MED27: variants seen among roughly 807,000 people sequenced by gnomAD.
MED27 encodes the protein mediator of RNA polymerase II transcription subunit 27.
Under a neutral mutation model 38.2 loss-of-function variants are expected in MED27, and 30 were observed. That is an observed-to-expected ratio of 0.79 (90% confidence interval 0.59 to 1.07). MED27 has a LOEUF of 1.07. MED27 is among the 50% of genes least tolerant of loss of function. The probability of loss-of-function intolerance (pLI) is 0.00; values close to 1 mark genes in which losing one functional copy is unlikely to be tolerated. For synonymous variants in MED27, 122 were observed against 153.5 expected, an observed-to-expected ratio of 0.79 and a Z score of 1.52; for missense variants, 289 against 397.5, an observed-to-expected ratio of 0.73 and a Z score of 2.32.
At chr9:132,024,362 A>T (rs570140552) in intron 2 of MED27, among the ~76,000 whole-genome samples, 18 of 152,296 alleles carry the variant, frequency 1.2e-4, no homozygotes, top group African/African-American at 4.3e-4. Flanking sequence ...TGGCGGTATA[A>T]TGTGTGCAAA....
chr9:131,891,219 A>T (rs1839223563), intron 5 of MED27, among the ~76,000 whole-genome samples: 1 of 152,046 alleles, frequency 6.6e-6, no homozygotes, highest in Admixed American at 6.5e-5. Flanking sequence ...CAAAACGTGC[A>T]AATACGTGAA....
At chr9:132,068,002 T>G (rs1564347800) in intron 2 of MED27, among the ~76,000 whole-genome samples, 2 of 152,336 alleles carry the variant, frequency 1.3e-5, no homozygotes. Flanking sequence ...TAGGTCATTA[T>G]TCTCTCACTT....
intron 6 of MED27, among the ~76,000 whole-genome samples, chr9:131,870,967 G>A (rs888399715): frequency 4.6e-5 from 7 of 152,188 alleles, no homozygotes; most frequent in South Asian, 2.1e-4. Flanking sequence ...AATACAAGGC[G>A]GCTGCATCAG....
At chr9:132,064,563 A>G (rs1200077679) in intron 2 of MED27, among the ~76,000 whole-genome samples, 3 of 152,234 alleles carry the variant, frequency 2.0e-5, no homozygotes, top group South Asian at 2.1e-4. Context: ...CTTCCAATCA[A>G]TGAGAATCCC....
intron 4 of MED27, among the ~76,000 whole-genome samples, chr9:131,915,413 T>A (rs1352676233): frequency 6.6e-6 from 1 of 152,174 alleles, no homozygotes; most frequent in Non-Finnish European, 1.5e-5. Context: ...ATGAGTCACC[T>A]TAAAAGCAGA....
At chr9:132,041,085 A>C (rs544798296) in intron 2 of MED27, among the ~76,000 whole-genome samples, 16 of 152,364 alleles carry the variant, frequency 1.1e-4, no homozygotes, top group Admixed American at 8.5e-4. Context: ...AGGGAAGAAC[A>C]AGAAAGAGGA....
chr9:131,988,725 C>T (rs1019321820), intron 3 of MED27, among the ~76,000 whole-genome samples: 2 of 152,148 alleles, frequency 1.3e-5, no homozygotes, highest in Non-Finnish European at 2.9e-5. Flanking sequence ...CAACCTTCCC[C>T]CTTTGGCCTC....
chr9:131,925,841 G>A (rs1485590190), intron 4 of MED27, among the ~76,000 whole-genome samples: 1 of 152,238 alleles, frequency 6.6e-6, no homozygotes, highest in Non-Finnish European at 1.5e-5. Context: ...TCCTGGTCCA[G>A]TTCTATGTTC....
intron 4 of MED27, among the ~76,000 whole-genome samples, chr9:131,906,761 A>G (rs1486887672): frequency 7.2e-5 from 11 of 152,222 alleles, no homozygotes; most frequent in Admixed American, 7.2e-4. Flanking sequence ...AGTGACAGCA[A>G]ATTTATTAGG....
intron 3 of MED27, among the ~76,000 whole-genome samples, chr9:131,951,036 G>C (rs970083456): frequency 6.6e-6 from 1 of 152,178 alleles, no homozygotes; most frequent in Non-Finnish European, 1.5e-5. Flanking sequence ...GGGCAGCTGG[G>C]TTATAAAGCA....
intron 2 of MED27, among the ~76,000 whole-genome samples, chr9:132,039,670 G>A (rs1833165295): frequency 6.6e-6 from 1 of 152,004 alleles, no homozygotes; most frequent in African/African-American, 2.4e-5. Flanking sequence ...GAGAGTGAGT[G>A]AACACCCTGT....
intron 4 of MED27, among the ~76,000 whole-genome samples, chr9:131,934,251 G>T (rs927630772): frequency 2.2e-4 from 33 of 152,090 alleles, no homozygotes; most frequent in Admixed American, 2.0e-4. Flanking sequence ...ATAAACATAG[G>T]CAACCAAAGC....
chr9:131,944,216 G>A (rs571899659), intron 3 of MED27, among the ~76,000 whole-genome samples: 3 of 152,194 alleles, frequency 2.0e-5, no homozygotes, highest in East Asian at 3.9e-4. Context: ...GCCTTAGTCC[G>A]AGAATTAAAG....
At chr9:131,993,319 G>A (rs994232992) in intron 3 of MED27, among the ~76,000 whole-genome samples, 10 of 152,198 alleles carry the variant, frequency 6.6e-5, no homozygotes, top group Admixed American at 3.9e-4. Context: ...ACTAGGGGAA[G>A]GGGGAGAAAT....
In MED27 at chr9:131,987,537, C is replaced by CT. The variant is rs140183333; in HGVS notation, c.479+26799dup. ...GAGTCTGTCTTAAAGAAATCACTAC[C>CT]TCCCACTAAATAATCACACCTGGCA... is the stretch of plus-strand genomic sequence containing the variant. On this transcript the variant is annotated intron_variant, in intron 3 of 7. Transcript: ENST00000292035. Among the ~76,000 whole-genome samples, 319 of 152,246 alleles carry CT rather than the reference C, an allele frequency of 2.1e-3. 1 individual carries two copies. Among genetic ancestry groups the CT allele is most frequent in the African/African-American group, 7.5e-3 (311 of 41,544 alleles).
At chr9:131,928,576 G>C in intron 4 of MED27, among the ~76,000 whole-genome samples, 1 of 152,176 alleles carries the variant, frequency 6.6e-6, no homozygotes, top group East Asian at 1.9e-4. Context: ...ACAGCGACTG[G>C]GGGACTTGCC....
At chr9:131,962,355 G>A (rs1246141908) in intron 3 of MED27, among the ~76,000 whole-genome samples, 1 of 152,152 alleles carries the variant, frequency 6.6e-6, no homozygotes, top group Non-Finnish European at 1.5e-5. Flanking sequence ...TCCCACTTCA[G>A]CCTCCTGAGT....
chr9:131,886,461 T>G (rs1177138349), intron 5 of MED27, among the ~76,000 whole-genome samples: 1 of 152,140 alleles, frequency 6.6e-6, no homozygotes, highest in Non-Finnish European at 1.5e-5. Context: ...ATCTCCTTCT[T>G]GCATTGCCAC....
chr9:132,032,815 G>C (rs187738513), intron 2 of MED27, among the ~76,000 whole-genome samples: 1 of 151,964 alleles, frequency 6.6e-6, no homozygotes, highest in Non-Finnish European at 1.5e-5. Context: ...ACAGCCCTGC[G>C]CCCAAGCCAC....
Sources: allele counts gnomAD v4.1 joint callset (sites outside exome capture counted in the v4.1 genomes callset), GRCh38; gene constraint gnomAD v4.1.1; transcripts MANE v1.5; gene names NCBI Gene and HGNC (gene_info 2026-07-23, HGNC 2026-07-21).